Variants in TENM2 observed in about 807,000 individuals in gnomAD.
TENM2 encodes the protein teneurin-2.
A neutral mutation model predicts 245.2 loss-of-function variants in TENM2; 52 were observed. The observed-to-expected ratio is 0.21, with a 90% CI of 0.17 to 0.27. TENM2 has a LOEUF of 0.27. Ranked by LOEUF, TENM2 falls within the 10% of genes least tolerant of loss-of-function variation. The pLI is 1.00. For synonymous variants in TENM2, 1,363 were observed against 1,438.9 expected (o/e 0.95, Z 1.19); for missense variants, 3,046 against 3,666.8 (o/e 0.83, Z 4.37).
chr5:167,988,442 G>A (rs1459496704), intron 4 of TENM2, among the ~76,000 whole-genome samples: 2 of 152,136 alleles, frequency 1.3e-5, no homozygotes, highest in Admixed American at 1.3e-4. Flanking sequence ...TGCATTTAAT[G>A]AAGAAAAATA....
At chr5:167,794,489 C>T (rs1765190392) in intron 2 of TENM2, among the ~76,000 whole-genome samples, 1 of 152,170 alleles carries the variant, frequency 6.6e-6, no homozygotes, top group Non-Finnish European at 1.5e-5. Flanking sequence ...ACATGATTGG[C>T]AATGATTCAG....
intron 9 of TENM2, among the ~76,000 whole-genome samples, chr5:168,102,039 T>C (rs919158562): frequency 4.0e-5 from 5 of 123,584 alleles, no homozygotes; most frequent in Admixed American, 2.8e-4. Flanking sequence ...TATAGTTCCA[T>C]AGTTTTTTTG....
intron 2 of TENM2, among the ~76,000 whole-genome samples, chr5:167,719,680 C>T (rs1201027999): frequency 2.0e-5 from 3 of 152,224 alleles, no homozygotes; most frequent in Non-Finnish European, 4.4e-5. Context: ...TTCTGCAGAA[C>T]TGAGCAGATC....
At chr5:167,406,054 A>T (rs1381677871) in intron 2 of TENM2, among the ~76,000 whole-genome samples, 1 of 152,116 alleles carries the variant, frequency 6.6e-6, no homozygotes, top group African/African-American at 2.4e-5. Flanking sequence ...GTCAGAGAGC[A>T]TACTGAGAGT....
chr5:168,073,011 T>C (rs897586693), intron 7 of TENM2, among the ~76,000 whole-genome samples: 3 of 152,184 alleles, frequency 2.0e-5, no homozygotes, highest in African/African-American at 7.2e-5. Context: ...CTTCTATGAA[T>C]ATGAGAGGTA....
At chr5:167,385,217 T>C (rs1257926574) in intron 2 of TENM2, among the ~76,000 whole-genome samples, 5 of 152,156 alleles carry the variant, frequency 3.3e-5, no homozygotes, top group African/African-American at 1.2e-4. Context: ...TTCTTGAATA[T>C]TATTTCTGCT....
chr5:167,401,442 A>T (rs2127386413), intron 2 of TENM2, among the ~76,000 whole-genome samples: 1 of 152,188 alleles, frequency 6.6e-6, no homozygotes, highest in Non-Finnish European at 1.5e-5. Context: ...AGCCAGTAAG[A>T]TTCTCATAAT....
At chr5:167,618,263 G>C (rs1383984687) in intron 2 of TENM2, among the ~76,000 whole-genome samples, 1 of 152,090 alleles carries the variant, frequency 6.6e-6, no homozygotes, top group Non-Finnish European at 1.5e-5. Flanking sequence ...ACTCATAGTT[G>C]GCTTGTGGGT....
chr5:167,375,174 G>T, intron 1 of TENM2, 24 bp from the exon 4 acceptor site: 1 of 1,543,806 alleles, frequency 6.5e-7, no homozygotes, highest in South Asian at 1.2e-5. Flanking sequence ...ATTTTAATCA[G>T]CTTCTCTGTC....
intron 1 of TENM2, among the ~76,000 whole-genome samples, chr5:167,366,267 G>A (rs1184850362): frequency 6.6e-6 from 1 of 152,008 alleles, no homozygotes; most frequent in Non-Finnish European, 1.5e-5. Context: ...CAACCTATTT[G>A]AAAGCATAAA....
At chr5:167,851,820 C>G (rs72835617) in intron 2 of TENM2, among the ~76,000 whole-genome samples, 2,078 of 152,226 alleles carry the variant, frequency 0.014, 25 homozygotes, top group Non-Finnish European at 0.02. Context: ...TCATTTCTCC[C>G]ATGTAAAAAA....
chr5:167,259,595 G>C, the TENM2 span, among the ~76,000 whole-genome samples: 14 of 152,086 alleles, frequency 9.2e-5, no homozygotes, highest in African/African-American at 3.1e-4. Context: ...TGTAAATGTT[G>C]AAATCTTTGC....
At chr5:168,105,827 C>T (rs971465589) in intron 9 of TENM2, among the ~76,000 whole-genome samples, 24 of 152,196 alleles carry the variant, frequency 1.6e-4, no homozygotes, top group Admixed American at 1.6e-3. Context: ...TTACTATTTC[C>T]CTTGCATGGT....
At chr5:167,572,699 C>T (rs1774353657) in intron 2 of TENM2, among the ~76,000 whole-genome samples, 1 of 152,166 alleles carries the variant, frequency 6.6e-6, no homozygotes, top group Non-Finnish European at 1.5e-5. Context: ...AGAAATGGAA[C>T]AAAGCTGGTG....
intron 2 of TENM2, among the ~76,000 whole-genome samples, chr5:167,573,526 C>CT (rs1328931169): frequency 1.2e-5 from 1 of 80,602 alleles, no homozygotes; most frequent in Non-Finnish European, 2.8e-5. Context: ...CTCTCCCCCT[C>CT]TCCCCCTCTC....
At chr5:167,595,438 T>C (rs1179884023) in intron 2 of TENM2, among the ~76,000 whole-genome samples, 2 of 152,182 alleles carry the variant, frequency 1.3e-5, no homozygotes, top group Non-Finnish European at 2.9e-5. Flanking sequence ...CTGGATTTTG[T>C]CCCATGATCA....
At chr5:167,232,143 G>T in the TENM2 span, among the ~76,000 whole-genome samples, 8 of 152,126 alleles carry the variant, frequency 5.3e-5, no homozygotes, top group Non-Finnish European at 8.8e-5. Context: ...AGCACTCATG[G>T]AGAACCTTTT....
At chr5:167,854,700 G>A (rs1003629716) in intron 2 of TENM2, among the ~76,000 whole-genome samples, 3 of 152,164 alleles carry the variant, frequency 2.0e-5, no homozygotes, top group African/African-American at 7.2e-5. Context: ...TATGCTATGT[G>A]TTAAAGCAAG....
intron 2 of TENM2, among the ~76,000 whole-genome samples, chr5:167,737,196 TAA>T (rs1760861665): frequency 6.6e-6 from 1 of 152,192 alleles, no homozygotes; most frequent in Non-Finnish European, 1.5e-5. Context: ...TGGACGAGCC[TAA>T]AGTGATCATT....
Sources: gnomAD v4.1 joint callset for allele counts (sites outside exome capture counted in the v4.1 genomes callset) on GRCh38, gnomAD v4.1.1 for gene constraint, MANE v1.5 for transcripts, NCBI Gene and HGNC (gene_info 2026-07-23, HGNC 2026-07-21) for gene names.